The following GRIK4 variants were observed in gnomAD, a reference collection of about 807,000 sequenced individuals.
GRIK4 encodes glutamate ionotropic receptor kainate type subunit 4.
In GRIK4, 40 loss-of-function variants were observed where a neutral mutation model predicts 104.9. That is an observed-to-expected ratio of 0.38 (90% confidence interval 0.30 to 0.50). The LOEUF is 0.50. Among genes scored for constraint, GRIK4 ranks in the 20% least tolerant of loss-of-function variants. GRIK4 has a pLI of 0.93. For synonymous variants in GRIK4, 485 were observed against 524.9 expected, an observed-to-expected ratio of 0.92 and a Z score of 1.04; for missense variants, 1,047 against 1,308.1, an observed-to-expected ratio of 0.80 and a Z score of 3.08.
rs1952643040 is a variant in GRIK4, at chr11:120,802,713, A to G, written c.103A>G (p.Met35Val). The change falls in exon 4 of 21, where the codon ATG becomes GTG. Residue 35 changes from methionine to valine, a missense_variant. Around this residue, in one of 3 missense-constraint regions of GRIK4, gnomAD observed 447 missense variants for 514.9 expected, o/e 0.87. Coordinates refer to ENST00000527524, the MANE Select transcript of GRIK4 (RefSeq NM_014619.5). ...LRIAAILDDP[M>V]ECSRGERLSI... ...CACAGCTGCTATCTTGGACGACCCCATGGAGTGCAGCAGAGGGGAGCGGCT... is the reference window on the plus strand; with the variant it reads ...CACAGCTGCTATCTTGGACGACCCCGTGGAGTGCAGCAGAGGGGAGCGGCT... 6.2e-7 allele frequency: 1 copy of G among 1,613,924 alleles called. No individual in the cohort carries two copies. Among genetic ancestry groups the G allele is most frequent in the African/African-American group, 1.3e-5 (1 of 74,920 alleles).
intron 3 of GRIK4, among the ~76,000 whole-genome samples, chr11:120,709,466 C>G (rs943814906): frequency 1.3e-5 from 2 of 152,132 alleles, no homozygotes; most frequent in African/African-American, 4.8e-5. Flanking sequence ...TTCCCCAGCC[C>G]TTCTCCTTAT....
At chr11:120,570,192 C>T (rs1028996384) in intron 1 of GRIK4, among the ~76,000 whole-genome samples, 2 of 152,206 alleles carry the variant, frequency 1.3e-5, no homozygotes, top group African/African-American at 4.8e-5. Flanking sequence ...TACTGCCAAC[C>T]ACAGAGGATC....
chr11:120,659,299 C>T (rs574031049), intron 2 of GRIK4, among the ~76,000 whole-genome samples: 3 of 152,200 alleles, frequency 2.0e-5, no homozygotes, highest in African/African-American at 7.2e-5. Flanking sequence ...GGCTGGTTTT[C>T]AGCGGTAGTA....
chr11:120,933,206 G>A (rs1290206092), intron 13 of GRIK4, among the ~76,000 whole-genome samples: 3 of 152,232 alleles, frequency 2.0e-5, no homozygotes, highest in Non-Finnish European at 2.9e-5. Flanking sequence ...GGGAAAGGCC[G>A]CAGGGGCCAG....
intron 1 of GRIK4, among the ~76,000 whole-genome samples, chr11:120,580,040 G>A (rs1459048039): frequency 1.3e-5 from 2 of 152,152 alleles, no homozygotes; most frequent in Non-Finnish European, 2.9e-5. Flanking sequence ...CCATGTTGCT[G>A]CATATGTGAG....
intron 11 of GRIK4, among the ~76,000 whole-genome samples, chr11:120,878,724 T>C (rs770231576): frequency 6.6e-6 from 1 of 151,322 alleles, no homozygotes; most frequent in Non-Finnish European, 1.5e-5. Context: ...GGGACACAGA[T>C]GTAGCTTCGC....
chr11:120,945,503 C>A (rs1943837509), intron 14 of GRIK4, among the ~76,000 whole-genome samples: 1 of 152,148 alleles, frequency 6.6e-6, no homozygotes, highest in South Asian at 2.1e-4. Context: ...GGAAGGAGGG[C>A]AGGCCATAAA....
chr11:120,627,543 C>A (rs903381082), intron 1 of GRIK4, among the ~76,000 whole-genome samples: 13 of 152,224 alleles, frequency 8.5e-5, no homozygotes, highest in Non-Finnish European at 1.6e-4. Flanking sequence ...CCTCCCAGAG[C>A]AACACCAGGC....
chr11:120,664,872 A>C (rs531188345), intron 3 of GRIK4, among the ~76,000 whole-genome samples: 1 of 152,324 alleles, frequency 6.6e-6, no homozygotes, highest in Non-Finnish European at 1.5e-5. Flanking sequence ...TCTGCTCAGC[A>C]TGGGCATATT....
chr11:120,659,647 G>A (rs924356007), intron 2 of GRIK4, among the ~76,000 whole-genome samples: 2 of 152,200 alleles, frequency 1.3e-5, no homozygotes, highest in Non-Finnish European at 2.9e-5. Context: ...CCTGTGCTGC[G>A]TTTGGGGAAA....
chr11:120,733,682 T>C (rs1032601859), intron 3 of GRIK4, among the ~76,000 whole-genome samples: 2 of 152,120 alleles, frequency 1.3e-5, no homozygotes, highest in Non-Finnish European at 2.9e-5. Context: ...GTACTATGCC[T>C]TAAAAGTTGT....
intron 8 of GRIK4, among the ~76,000 whole-genome samples, chr11:120,846,994 C>G (rs60062246): frequency 2.8e-4 from 43 of 152,278 alleles, no homozygotes; most frequent in African/African-American, 9.9e-4. Context: ...CTCACCACCC[C>G]CTTACCCAGA....
rs377627203 is a variant in GRIK4 at position 120,924,542 on chromosome 11, T to C, written c.1477-15805T>C. 1.2e-4 allele frequency among the ~76,000 whole-genome samples: 18 copies of C among 150,256 alleles called. No individual in the cohort carries two copies. The East Asian group carries it at 3.1e-3, about 26-fold the overall frequency. ...CAATCACTGTCCGGATCAAGAAATA[T>C]ACCCTTAGCGGCATCCTGAAGACCC... On this transcript the variant is annotated intron_variant, in intron 13 of 20. Coordinates refer to ENST00000527524, the MANE Select transcript of GRIK4 (RefSeq NM_014619.5).
At chr11:120,630,821 G>A (rs1382879839) in intron 1 of GRIK4, among the ~76,000 whole-genome samples, 1 of 152,208 alleles carries the variant, frequency 6.6e-6, no homozygotes, top group Non-Finnish European at 1.5e-5. Flanking sequence ...GTCCTGACTG[G>A]GTTCTAGAGT....
At chr11:120,526,739 G>GGA (rs1389210644) in intron 1 of GRIK4, among the ~76,000 whole-genome samples, 6 of 152,214 alleles carry the variant, frequency 3.9e-5, no homozygotes, top group Non-Finnish European at 1.5e-5. Context: ...GGCTGAGGCA[G>GGA]GAGAATCACT....
chr11:120,905,562 C>A lies in GRIK4; in HGVS notation c.1476+69C>A. 1 of 1,021,308 alleles carries A rather than the reference C, an allele frequency of 9.8e-7. No individual in the cohort carries two copies. Among genetic ancestry groups the A allele is most frequent in the Non-Finnish European group, 1.5e-6 (1 of 656,042 alleles). 63.3% of individuals were successfully genotyped at this position (1,021,308 alleles called of 1,614,324 possible). A position where few individuals can be genotyped will look rare whatever the true frequency, so the allele number is the denominator to read the frequency against. ...GGGATTGGAAGAGCATGAGGTTGTGCTGCACGCTCATGAACCCTCCATTTG... is the reference window on the plus strand; with the variant it reads ...GGGATTGGAAGAGCATGAGGTTGTGATGCACGCTCATGAACCCTCCATTTG... On this transcript the variant is annotated intron_variant, in intron 13 of 20. Transcript: ENST00000527524. This position sits in a 1 kb window ranked among gnomAD's most constrained non-coding sequence, Gnocchi z 5.1.
At chr11:120,600,514 T>C (rs772535319) in intron 1 of GRIK4, among the ~76,000 whole-genome samples, 1 of 152,126 alleles carries the variant, frequency 6.6e-6, no homozygotes, top group Non-Finnish European at 1.5e-5. Flanking sequence ...TTTGTTCTGC[T>C]CTTTGAACAG....
intron 3 of GRIK4, among the ~76,000 whole-genome samples, chr11:120,689,004 G>A (rs1035241309): frequency 2.6e-5 from 4 of 152,132 alleles, no homozygotes; most frequent in Non-Finnish European, 4.4e-5. Context: ...CAGTCTGATG[G>A]TAGAGGCTGA....
chr11:120,720,246 C>G (rs1379365586), intron 3 of GRIK4, among the ~76,000 whole-genome samples: 3 of 152,192 alleles, frequency 2.0e-5, no homozygotes, highest in Non-Finnish European at 4.4e-5. Flanking sequence ...GTCACAGTCA[C>G]AGCGTATTAA....
Sources: allele counts gnomAD v4.1 joint callset (sites outside exome capture counted in the v4.1 genomes callset), GRCh38; gene constraint gnomAD v4.1.1; regional missense constraint gnomAD v4.1.1; non-coding constraint Gnocchi (gnomAD v3.1); transcripts MANE v1.5; gene names NCBI Gene and HGNC (gene_info 2026-07-23, HGNC 2026-07-21).